Variants in POU3F3 observed in about 807,000 individuals in gnomAD.
The protein encoded by POU3F3 is POU class 3 homeobox 3.
Under a neutral mutation model 8.6 loss-of-function variants are expected in POU3F3, and 1 was observed. The ratio of observed to expected loss-of-function variants is 0.12; its 90% CI spans 0.04 to 0.55. POU3F3 has a LOEUF of 0.55. POU3F3 is among the 20% of genes least tolerant of loss of function. POU3F3 has a pLI of 0.91. For synonymous variants in POU3F3, 418 were observed against 327.4 expected (o/e 1.28, Z -2.99); for missense variants, 577 against 690.7 (o/e 0.84, Z 1.84).
At chr2:104,901,285 C>G in the POU3F3 span, among the ~76,000 whole-genome samples, 1 of 152,180 alleles carries the variant, frequency 6.6e-6, no homozygotes, top group Non-Finnish European at 1.5e-5. Flanking sequence ...AAAGCTGTTA[C>G]AAGCACATAT....
the POU3F3 span, among the ~76,000 whole-genome samples, chr2:104,888,136 T>A: frequency 6.6e-6 from 1 of 152,214 alleles, no homozygotes; most frequent in Non-Finnish European, 1.5e-5. Flanking sequence ...TAGAAAGACA[T>A]CTTTCATCTG....
At chr2:104,875,188 T>C in the POU3F3 span, among the ~76,000 whole-genome samples, 2 of 152,250 alleles carry the variant, frequency 1.3e-5, no homozygotes, top group African/African-American at 4.8e-5. Context: ...TAGGGCTGAA[T>C]AAGACCCCAT....
chr2:104,912,989 C>T, the POU3F3 span, among the ~76,000 whole-genome samples: 5 of 152,210 alleles, frequency 3.3e-5, no homozygotes, highest in Admixed American at 1.3e-4. Context: ...AATTATTACT[C>T]TCAAGATGCG....
chr2:104,888,366 C>T, the POU3F3 span, among the ~76,000 whole-genome samples: 2 of 152,174 alleles, frequency 1.3e-5, no homozygotes, highest in Admixed American at 1.3e-4. Flanking sequence ...GAGATGAAAA[C>T]ATTTCTGGAT....
In POU3F3 at chr2:104,856,029, AC is replaced by A; in HGVS notation, c.524del (p.Pro175ArgfsTer56). 2.1e-6 allele frequency: 2 copies of A among 962,478 alleles called. No individual in the cohort carries two copies. Among genetic ancestry groups the A allele is most frequent in the Non-Finnish European group, 2.4e-6 (2 of 825,436 alleles). 59.6% of individuals were successfully genotyped at this position (962,478 alleles called of 1,614,324 possible). A position where few individuals can be genotyped will look rare whatever the true frequency, so the allele number is the denominator to read the frequency against. ...ACCACCGCGGGCCGCCGCACCTCGGACCCCCGCCGCCGCCCCCACACCAGGG... is the reference window on the plus strand; with the variant it reads ...ACCACCGCGGGCCGCCGCACCTCGGACCCCGCCGCCGCCCCCACACCAGGG... ...LHHRGPPHLGPPPPPPHQGHP... is the reference protein window; with the variant it reads ...LHHRGPPHLGXPPPPPHQGHP... On this transcript the variant is annotated frameshift_variant, in exon 1 of 1. Coordinates refer to ENST00000361360, the MANE Select transcript of POU3F3 (RefSeq NM_006236.3). LOFTEE classifies it low-confidence loss of function (END_TRUNC).
chr2:104,876,817 C>T, the POU3F3 span, among the ~76,000 whole-genome samples: 2 of 152,178 alleles, frequency 1.3e-5, no homozygotes, highest in South Asian at 4.1e-4. Context: ...TGGCAGAGAC[C>T]TCGACCTCCC....
chr2:104,890,359 C>T, the POU3F3 span, among the ~76,000 whole-genome samples: 2 of 152,016 alleles, frequency 1.3e-5, no homozygotes, highest in Non-Finnish European at 2.9e-5. Flanking sequence ...TAGGTGTCCG[C>T]GAGCCTGATC....
chr2:104,871,760 G>A, the POU3F3 span, among the ~76,000 whole-genome samples: 1 of 152,108 alleles, frequency 6.6e-6, no homozygotes, highest in Non-Finnish European at 1.5e-5. Flanking sequence ...AGGTGTGTGT[G>A]TATATATATG....
chr2:104,923,430 TA>T, the POU3F3 span, among the ~76,000 whole-genome samples: 1 of 152,208 alleles, frequency 6.6e-6, no homozygotes, highest in African/African-American at 2.4e-5. Context: ...AGTTGTTTTT[TA>T]ATTGAAATTA....
chr2:104,856,438 C>G lies in POU3F3; in HGVS notation c.928C>G (p.Pro310Ala), dbSNP rs771875028. 6.2e-7 allele frequency: 1 copy of G among 1,610,970 alleles called. No individual in the cohort carries two copies. Among genetic ancestry groups the G allele is most frequent in the Non-Finnish European group, 8.5e-7 (1 of 1,179,218 alleles). ...GAGPGLNSHD[P>A]HSDEDTPTSD... is the part of the protein sequence containing the mutation. ...GGGGCCTGGACTCAACAGCCACGAC[C>G]CGCACTCGGACGAGGACACGCCGAC... The change falls in exon 1 of 1, where the codon CCG becomes GCG. Residue 310 changes from proline to alanine, a missense_variant. Transcript: ENST00000361360.
chr2:104,913,890 A>G, the POU3F3 span, among the ~76,000 whole-genome samples: 2 of 152,160 alleles, frequency 1.3e-5, no homozygotes, highest in East Asian at 1.9e-4. Context: ...GAAAAAAAAA[A>G]TACCTAGAAG....
At chr2:104,875,336 C>G in the POU3F3 span, among the ~76,000 whole-genome samples, 1 of 152,202 alleles carries the variant, frequency 6.6e-6, no homozygotes, top group Non-Finnish European at 1.5e-5. Flanking sequence ...GCTTTCCATT[C>G]TTTTCAGCGT....
the POU3F3 span, among the ~76,000 whole-genome samples, chr2:104,891,761 G>T: frequency 6.6e-6 from 1 of 152,152 alleles, no homozygotes; most frequent in East Asian, 1.9e-4. Context: ...AACTTTTATA[G>T]AAATCTTCTT....
chr2:104,907,519 A>G, the POU3F3 span, among the ~76,000 whole-genome samples: 1 of 152,260 alleles, frequency 6.6e-6, no homozygotes, highest in Non-Finnish European at 1.5e-5. Context: ...GGCACAAAGC[A>G]GCCTCTCAAG....
chr2:104,904,694 T>C, the POU3F3 span, among the ~76,000 whole-genome samples: 1 of 152,118 alleles, frequency 6.6e-6, no homozygotes, highest in African/African-American at 2.4e-5. Context: ...CAAAGTCAAA[T>C]GTATACTGAG....
chr2:104,857,111 C>T lies in POU3F3; in HGVS notation c.*98C>T, dbSNP rs1353981397. On this transcript the variant is annotated 3_prime_UTR_variant, in exon 1 of 1. Coordinates refer to ENST00000361360, the MANE Select transcript of POU3F3 (RefSeq NM_006236.3). The stretch of plus-strand genomic sequence containing the variant: ...CTGCCGCCGCCGCCGCCGCCGCCGC[C>T]GCCGCTGCCGCCGCCGCGCCGACCC... 2 of 969,536 alleles carry T rather than the reference C, an allele frequency of 2.1e-6. No individual in the cohort carries two copies. The highest frequency in any genetic ancestry group is 1.1e-4 in the East Asian group (1 of 8,848). 60.1% of individuals were successfully genotyped at this position (969,536 alleles called of 1,614,324 possible).
At chr2:104,863,158 CAATTAT>C (rs1469834725), downstream of POU3F3, among the ~76,000 whole-genome samples, 9 of 119,178 alleles carry the variant, frequency 7.6e-5, no homozygotes, top group South Asian at 5.6e-4. Context: ...CTCATAATAA[CAATTAT>C]TATTATTATT....
the POU3F3 span, among the ~76,000 whole-genome samples, chr2:104,864,841 C>T: frequency 6.6e-6 from 1 of 151,964 alleles, no homozygotes; most frequent in Non-Finnish European, 1.5e-5. Flanking sequence ...TTCTTTTTTA[C>T]TCTTCAGAAA....
At chr2:104,876,337 G>A in the POU3F3 span, among the ~76,000 whole-genome samples, 1 of 152,148 alleles carries the variant, frequency 6.6e-6, no homozygotes, top group Admixed American at 6.5e-5. Context: ...GGTGATTGGT[G>A]GAAATCTTTG....
Sources: allele counts gnomAD v4.1 joint callset (sites outside exome capture counted in the v4.1 genomes callset), GRCh38; gene constraint gnomAD v4.1.1; transcripts MANE v1.5; gene names NCBI Gene and HGNC (gene_info 2026-07-23, HGNC 2026-07-21).